The following SBNO1 variants were observed in gnomAD, a reference collection of about 807,000 sequenced individuals.
The protein encoded by SBNO1 is strawberry notch homolog 1, also known as protein strawberry notch homolog 1.
A neutral mutation model predicts 173.6 loss-of-function variants in SBNO1; 23 were observed. The ratio of observed to expected loss-of-function variants is 0.13; its 90% CI spans 0.10 to 0.19. SBNO1 has a LOEUF of 0.19. SBNO1 is among the 10% of genes least tolerant of loss of function. SBNO1 has a pLI of 1.00. For synonymous variants in SBNO1, 632 were observed against 571.5 expected, an observed-to-expected ratio of 1.11 and a Z score of -1.51; for missense variants, 1,238 against 1,671.2, an observed-to-expected ratio of 0.74 and a Z score of 4.52.
chr12:123,337,705 T>G (rs558222297), intron 5 of SBNO1, among the ~76,000 whole-genome samples: 2 of 152,182 alleles, frequency 1.3e-5, no homozygotes, highest in Admixed American at 6.5e-5. Flanking sequence ...ATGAATAGAT[T>G]TGAATCCCAA....
intron 30 of SBNO1, 97 bp downstream of exon 30, chr12:123,302,727 T>C (rs1165656323): frequency 1.0e-5 from 8 of 798,820 alleles, no homozygotes; most frequent in Non-Finnish European, 1.8e-5. Context: ...ACTTAATCTG[T>C]TAGTTAATTC....
intron 1 of SBNO1, among the ~76,000 whole-genome samples, chr12:123,354,738 C>G (rs1392924603): frequency 1.3e-5 from 2 of 152,162 alleles, no homozygotes; most frequent in Non-Finnish European, 2.9e-5. Context: ...ATGCTAAATA[C>G]TGTTAGGTAC....
At chr12:123,311,169 G>A in intron 24 of SBNO1, 40 bp from the exon 25 acceptor site, 2 of 1,461,696 alleles carry the variant, frequency 1.4e-6, no homozygotes, top group Non-Finnish European at 1.9e-6. Flanking sequence ...AAATTACAAG[G>A]GATGTCTACA....
chr12:123,309,767 G>A lies in SBNO1; in HGVS notation c.3385C>T (p.Leu1129Phe). ...NALFQYFADT[L>F]TAVVQNAKKN... ...TTGGCATTTTGAACAACTGCAGTAA[G>A]TGTGTCCGCAAAATACTGAAATAAC... Residue 1129 changes from leucine (L) to phenylalanine (F), a missense_variant, in exon 26 of 32, where the codon CTT (leucine) becomes TTT (phenylalanine). Coordinates refer to ENST00000602398, the MANE Select transcript of SBNO1 (RefSeq NM_001167856.3). The A allele has an allele frequency of 6.2e-7, 1 of 1,613,178 alleles. No homozygotes were observed.
chr12:123,327,481 T>C lies in SBNO1; in HGVS notation c.1637A>G (p.Glu546Gly). 1.2e-6 allele frequency: 2 copies of C among 1,614,006 alleles called. No individual in the cohort carries two copies. The highest frequency in any genetic ancestry group is 1.7e-6 in the Non-Finnish European group (2 of 1,179,924). The change falls in exon 13 of 32, where the codon GAG becomes GGG. Residue 546 changes from glutamate (E) to glycine (G), a missense_variant. By Grantham distance (98) the Glu-to-Gly change is moderately conservative. Coordinates refer to ENST00000602398, the MANE Select transcript of SBNO1 (RefSeq NM_001167856.3). ...LSFTGVTFKI[E>G]EVLLSQSYVK... ...GTAGCTCTGAGAAAGAAGAACTTCC[T>C]CAATTTTGAAGGTCACTCCAGTAAA...
chr12:123,322,524 C>T (rs1870104300), intron 16 of SBNO1, among the ~76,000 whole-genome samples: 1 of 151,678 alleles, frequency 6.6e-6, no homozygotes, highest in Admixed American at 6.6e-5. Context: ...TCTCGAACTC[C>T]TGACCTCAGG....
chr12:123,317,445 T>C, intron 20 of SBNO1, 89 bp from the exon 21 acceptor site: 1 of 1,107,662 alleles, frequency 9.0e-7, no homozygotes, highest in Non-Finnish European at 1.3e-6. Context: ...AGACTGCCTA[T>C]TCTCTCCTTC....
At chr12:123,303,083 T>C (rs2048835333) in intron 29 of SBNO1, among the ~76,000 whole-genome samples, 183 bp from the exon 30 acceptor site, 1 of 152,220 alleles carries the variant, frequency 6.6e-6, no homozygotes, top group African/African-American at 2.4e-5. Context: ...TCCTCTTATG[T>C]AATACATTTT....
intron 30 of SBNO1, among the ~76,000 whole-genome samples, chr12:123,302,088 C>A (rs913300465): frequency 6.6e-6 from 1 of 151,928 alleles, no homozygotes; most frequent in Non-Finnish European, 1.5e-5. Flanking sequence ...CAGGCATGCG[C>A]CACCACACCC....
intron 28 of SBNO1, among the ~76,000 whole-genome samples, chr12:123,307,612 A>C (rs1344310836): frequency 6.6e-6 from 1 of 152,152 alleles, no homozygotes; most frequent in South Asian, 2.1e-4. Flanking sequence ...AACCAATGAA[A>C]TATTACTCAG....
At chr12:123,358,421 A>T (rs1874706707) in intron 1 of SBNO1, among the ~76,000 whole-genome samples, 1 of 152,104 alleles carries the variant, frequency 6.6e-6, no homozygotes, top group Non-Finnish European at 1.5e-5. Context: ...AATGCTACCC[A>T]TTATCCCTTT....
Position 123,313,677 on chromosome 12 carries a change from T to A in SBNO1, c.3163A>T (p.Asn1055Tyr). Residue 1055 changes from asparagine (N) to tyrosine (Y), a missense_variant, in exon 24 of 32, where the codon AAC becomes TAC. By Grantham distance (143) the Asn-to-Tyr change is moderately radical. This residue lies in a region of SBNO1 where 351 missense variants were observed against 420.3 expected (regional missense o/e 0.84). Transcript: ENST00000602398. ...ALEIVMKSIV[N>Y]LDSPMVSPPP... Reference sequence around the variant, plus strand: ...GGTGATACCATAGGAGAATCCAAGTTTACAATGGATTTCATGACAATTTCT... The same window carrying A: ...GGTGATACCATAGGAGAATCCAAGTATACAATGGATTTCATGACAATTTCT... 3 of 1,610,534 alleles carry A rather than the reference T, an allele frequency of 1.9e-6. No homozygotes were observed. Among genetic ancestry groups the A allele is most frequent in the South Asian group, 2.2e-5 (2 of 90,896 alleles).
At position 123,305,011 on chromosome 12, in the gene SBNO1, CTTCTT is replaced by C. The variant is rs568260567; in HGVS notation, c.3631-297_3631-293del. Among the ~76,000 whole-genome samples the C allele has an allele frequency of 2.2e-3, 333 of 152,244 alleles. 4 individuals carry two copies. Among genetic ancestry groups the C allele is most frequent in the South Asian group, 2.1e-3 (10 of 4,818 alleles). Reference sequence around the variant, plus strand: ...CAAATGTCCAACACAGATCATTTTGCTTCTTTTATTTCCTGTACCTGGAATCCCAG... The same window carrying C: ...CAAATGTCCAACACAGATCATTTTGCTTATTTCCTGTACCTGGAATCCCAG... On this transcript the variant is annotated intron_variant, in intron 28 of 31. Coordinates refer to ENST00000602398, the MANE Select transcript of SBNO1 (RefSeq NM_001167856.3).
chr12:123,350,474 A>G, intron 1 of SBNO1, 33 bp from the exon 2 acceptor site: 1 of 1,532,396 alleles, frequency 6.5e-7, no homozygotes, highest in Non-Finnish European at 9.0e-7. Flanking sequence ...TTAACATAAA[A>G]AACAAAAAGT....
chr12:123,334,446 G>A (rs1017205487), intron 6 of SBNO1, among the ~76,000 whole-genome samples: 2 of 152,152 alleles, frequency 1.3e-5, no homozygotes, highest in Non-Finnish European at 2.9e-5. Context: ...GGTGGCTCAC[G>A]CCTGTAATCC....
chr12:123,317,845 A>C (rs1039646165), intron 20 of SBNO1, among the ~76,000 whole-genome samples: 1 of 152,238 alleles, frequency 6.6e-6, no homozygotes, highest in African/African-American at 2.4e-5. Context: ...TTTAACAACC[A>C]AAACTAATTC....
Position 123,309,489 on chromosome 12 carries a change from T to A in SBNO1, c.3537A>T (p.Thr1179=). 1.2e-6 allele frequency: 2 copies of A among 1,610,304 alleles called. No individual in the cohort carries two copies. Among genetic ancestry groups the A allele is most frequent in the Non-Finnish European group, 1.7e-6 (2 of 1,176,548 alleles). Residue 1179 remains threonine (T), a splice_region_variant and synonymous_variant, in exon 27 of 32, where the codon ACA becomes ACT. Coordinates refer to ENST00000602398, the MANE Select transcript of SBNO1 (RefSeq NM_001167856.3). ...ACTTCACAACATTTTCTAAACTTAC[T>A]GTGTATAATTCTACGTGGCCAGAGG... ...YSTSGHVELY[T]ISVERGMSWE...
At chr12:123,322,894 G>A (rs1299764121) in intron 16 of SBNO1, among the ~76,000 whole-genome samples, 10 of 133,474 alleles carry the variant, frequency 7.5e-5, no homozygotes, top group Admixed American at 7.6e-5. Context: ...AAAAAAAAAA[G>A]AAAAAAAAAG....
Position 123,330,512 on chromosome 12 carries a change from G to A in SBNO1, c.1044-3C>T. On this transcript the variant is annotated splice_region_variant and splice_polypyrimidine_tract_variant and intron_variant, in intron 8 of 31. Coordinates refer to ENST00000602398, the MANE Select transcript of SBNO1 (RefSeq NM_001167856.3). ...TTAAGTCATTTGAAACACTAAACCTGCCAAAATATTAAAAAGCACAAATTA... is the reference window on the plus strand; with the variant it reads ...TTAAGTCATTTGAAACACTAAACCTACCAAAATATTAAAAAGCACAAATTA... The A allele has an allele frequency of 6.6e-7, 1 of 1,523,724 alleles. No individual in the cohort carries two copies. The allele number at this position is 1,523,724 out of a possible 1,614,324, so 94.4% of individuals were successfully genotyped here.
Sources: gnomAD v4.1 joint callset for allele counts (sites outside exome capture counted in the v4.1 genomes callset) on GRCh38, gnomAD v4.1.1 for gene constraint, gnomAD v4.1.1 regional missense constraint, MANE v1.5 for transcripts, NCBI Gene and HGNC (gene_info 2026-07-23, HGNC 2026-07-21) for gene names.